The following LRMDA variants were observed in gnomAD, a reference collection of about 807,000 sequenced individuals.
The protein encoded by LRMDA is leucine-rich melanocyte differentiation-associated protein.
A neutral mutation model predicts 29.8 loss-of-function variants in LRMDA; 18 were observed. The observed-to-expected ratio is 0.60, with a 90% CI of 0.42 to 0.90. The LOEUF is 0.90. Among genes scored for constraint, LRMDA ranks in the 40% least tolerant of loss-of-function variants. LRMDA has a pLI of 0.00. For synonymous variants in LRMDA, 125 were observed against 109.4 expected (o/e 1.14, Z -0.89); for missense variants, 273 against 273.9 (o/e 1.00, Z 0.02).
At position 75,839,700 on chromosome 10, in the gene LRMDA, C is replaced by CTTTTTTT. The variant is rs1160178913; in HGVS notation, c.132-196288_132-196282dup. 1.4e-4 allele frequency among the ~76,000 whole-genome samples: 12 copies of CTTTTTTT among 82,796 alleles called. 1 individual carries two copies. Among genetic ancestry groups the CTTTTTTT allele is most frequent in the African/African-American group, 3.9e-4 (6 of 15,534 alleles). 54.3% of individuals were successfully genotyped at this position (82,796 alleles called of 152,430 possible). On this transcript the variant is annotated intron_variant, in intron 2 of 6. Coordinates refer to ENST00000611255, the MANE Select transcript of LRMDA (RefSeq NM_001305581.2). ...TACTCCTTAGGATGCATCCGACTTTCTTTTTTTTTTTTTTTTTTTTTTTTT... is the reference window on the plus strand; with the variant it reads ...TACTCCTTAGGATGCATCCGACTTTCTTTTTTTTTTTTTTTTTTTTTTTTTTTTTTTT...
At chr10:76,048,418 T>A (rs911703056) in intron 4 of LRMDA, among the ~76,000 whole-genome samples, 4 of 152,124 alleles carry the variant, frequency 2.6e-5, no homozygotes, top group Non-Finnish European at 5.9e-5. Flanking sequence ...TAAGAAAAAT[T>A]TTTTTCTATT....
At chr10:75,809,874 A>C (rs1843926460) in intron 2 of LRMDA, among the ~76,000 whole-genome samples, 1 of 152,216 alleles carries the variant, frequency 6.6e-6, no homozygotes, top group Non-Finnish European at 1.5e-5. Flanking sequence ...TCCAATGCTA[A>C]ATGAAAATGC....
At chr10:76,125,859 C>A (rs1000016303) in intron 5 of LRMDA, among the ~76,000 whole-genome samples, 2 of 152,226 alleles carry the variant, frequency 1.3e-5, no homozygotes, top group African/African-American at 4.8e-5. Flanking sequence ...TGTCCTACTC[C>A]TGTAGACAAT....
intron 2 of LRMDA, among the ~76,000 whole-genome samples, chr10:75,878,682 A>G (rs1845241877): frequency 6.6e-6 from 1 of 152,134 alleles, no homozygotes; most frequent in Admixed American, 6.5e-5. Context: ...ACTTAGATCC[A>G]TGGGTACAAG....
intron 5 of LRMDA, among the ~76,000 whole-genome samples, chr10:76,126,608 G>T (rs1849888624): frequency 6.6e-6 from 1 of 152,044 alleles, no homozygotes; most frequent in Admixed American, 6.5e-5. Context: ...GTTTCTTTTT[G>T]TGTTTCTCCA....
chr10:76,074,125 A>C (rs1245791098), intron 5 of LRMDA, among the ~76,000 whole-genome samples: 1 of 152,220 alleles, frequency 6.6e-6, no homozygotes, highest in Non-Finnish European at 1.5e-5. Context: ...TCTTAAATCT[A>C]TCCACACTTC....
Position 76,417,938 on chromosome 10 carries a change from T to C in LRMDA, c.601+93453T>C, listed in dbSNP as rs115603756. Among the ~76,000 whole-genome samples, 1,216 of 152,308 alleles carry C rather than the reference T, an allele frequency of 8.0e-3. 8 individuals are homozygous for C. Among genetic ancestry groups the C allele is most frequent in the African/African-American group, 0.026 (1,074 of 41,590 alleles). On this transcript the variant is annotated intron_variant, in intron 6 of 6. Transcript: ENST00000611255. ...GACCTGACATTCCTCACTGCTTTTT[T>C]CATAAATCAATTGTCTTCATATATG...
chr10:76,240,206 CACACCACACACACACAT>C (rs1852246221), intron 5 of LRMDA, among the ~76,000 whole-genome samples: 1 of 151,032 alleles, frequency 6.6e-6, no homozygotes, highest in East Asian at 1.9e-4. Flanking sequence ...CACACACACA[CACACCACACACACACAT>C]ACGCACACCA....
chr10:75,961,771 T>A (rs1047681997), intron 2 of LRMDA, among the ~76,000 whole-genome samples: 2 of 152,242 alleles, frequency 1.3e-5, no homozygotes, highest in Non-Finnish European at 2.9e-5. Context: ...AACAAAGTAC[T>A]GCACGTTGGA....
chr10:76,396,529 C>G (rs2132490566), intron 6 of LRMDA: 1 of 152,326 alleles, frequency 6.6e-6, no homozygotes, highest in South Asian at 2.1e-4. Context: ...AGCTGAAATA[C>G]CTTGCTCTTT....
intron 2 of LRMDA, among the ~76,000 whole-genome samples, chr10:75,759,749 A>G (rs1843073063): frequency 6.6e-6 from 1 of 152,248 alleles, no homozygotes; most frequent in African/African-American, 2.4e-5. Context: ...TTTCATAAAC[A>G]TATTCAGTAG....
At chr10:76,458,264 G>A (rs1347644099) in intron 6 of LRMDA, among the ~76,000 whole-genome samples, 1 of 152,092 alleles carries the variant, frequency 6.6e-6, no homozygotes, top group East Asian at 1.9e-4. Context: ...GTGAAATCTT[G>A]ACATTGCAAT....
At chr10:75,860,390 C>T (rs1176595852) in intron 2 of LRMDA, among the ~76,000 whole-genome samples, 1 of 138,448 alleles carries the variant, frequency 7.2e-6, no homozygotes, top group African/African-American at 2.7e-5. Flanking sequence ...GGCGCGATCT[C>T]TGCTCACTGC....
At chr10:75,741,087 G>A (rs1842823051) in intron 2 of LRMDA, among the ~76,000 whole-genome samples, 1 of 152,154 alleles carries the variant, frequency 6.6e-6, no homozygotes, top group African/African-American at 2.4e-5. Flanking sequence ...CTGTTTACTA[G>A]CTGTAGGTTG....
chr10:76,138,905 A>AT lies in LRMDA; in HGVS notation c.516+80130dup, dbSNP rs200178850. Among the ~76,000 whole-genome samples the AT allele has an allele frequency of 6.7e-3, 1,017 of 152,100 alleles. 11 individuals are homozygous for AT. Among genetic ancestry groups the AT allele is most frequent in the African/African-American group, 0.023 (957 of 41,498 alleles). On this transcript the variant is annotated intron_variant, in intron 5 of 6. Coordinates refer to ENST00000611255, the MANE Select transcript of LRMDA (RefSeq NM_001305581.2). ...AAGGAAATAATTTTGGCTTTACATC[A>AT]TTTTTTTTATATTTGCCTCTGAATG...
At chr10:76,144,160 G>T (rs1363966026) in intron 5 of LRMDA, among the ~76,000 whole-genome samples, 2 of 152,166 alleles carry the variant, frequency 1.3e-5, no homozygotes, top group African/African-American at 2.4e-5. Context: ...GCTTAGGATT[G>T]ACTTGGCGAT....
chr10:76,080,978 G>A (rs1054090248), intron 5 of LRMDA, among the ~76,000 whole-genome samples: 2 of 152,240 alleles, frequency 1.3e-5, no homozygotes, highest in African/African-American at 2.4e-5. Context: ...CCCTTGGTGG[G>A]AAGCACGGCT....
At chr10:76,082,062 G>A (rs1329348815) in intron 5 of LRMDA, among the ~76,000 whole-genome samples, 2 of 152,094 alleles carry the variant, frequency 1.3e-5, no homozygotes, top group East Asian at 1.9e-4. Context: ...GTTTAGGACT[G>A]CACAGATTCA....
chr10:76,016,509 A>T (rs1007226210), intron 2 of LRMDA, among the ~76,000 whole-genome samples: 5 of 152,120 alleles, frequency 3.3e-5, no homozygotes, highest in Non-Finnish European at 5.9e-5. Context: ...GCTTTAACCG[A>T]GTTTTCTGAC....
Sources: gnomAD v4.1 joint callset for allele counts (sites outside exome capture counted in the v4.1 genomes callset) on GRCh38, gnomAD v4.1.1 for gene constraint, MANE v1.5 for transcripts, NCBI Gene and HGNC (gene_info 2026-07-23, HGNC 2026-07-21) for gene names.